PKD1: variants seen among roughly 807,000 people sequenced by gnomAD.
The protein encoded by PKD1 is polycystin-1.
In PKD1, 81 loss-of-function variants were observed where a neutral mutation model predicts 361.7. The observed-to-expected ratio is 0.22, with a 90% CI of 0.19 to 0.27. The LOEUF is 0.27. Ranked by LOEUF, PKD1 falls within the 10% of genes least tolerant of loss-of-function variation. The pLI is 1.00. For missense variants in PKD1, 6,399 were observed against 6,118.3 expected (o/e 1.05, Z -1.53); for synonymous variants, 3,615 against 2,818.3 (o/e 1.28, Z -8.95).
In PKD1 at chr16:2,111,762, G is replaced by A. The variant is rs746080117; in HGVS notation, c.3405C>T (p.Asp1135=). ...CGGGCCGGCCGGCCACCAGGACGCC[G>A]TCACTCACACCCACAGCCACGGAGG... ...SLPSVAVGVS[D]GVLVAGRPVT... is the part of the protein sequence containing the mutation. Residue 1135 remains aspartate (D), a synonymous_variant, in exon 15 of 46, where the codon GAC becomes GAT. Coordinates refer to ENST00000262304, the MANE Select transcript of PKD1 (RefSeq NM_001009944.3). The A allele has an allele frequency of 2.5e-5, 40 of 1,605,326 alleles. No individual in the cohort carries two copies. The highest frequency in any genetic ancestry group is 5.3e-5 in the African/African-American group (4 of 74,796).
rs370359607 is a variant in PKD1 at position 2,110,085 on chromosome 16, A to G, written c.5082T>C (p.His1694=). 4.3e-6 allele frequency: 7 copies of G among 1,609,934 alleles called. No homozygotes were observed. In the South Asian group the frequency reaches 5.5e-5, roughly 13 times the overall value. ...SLTVLEAGTY[H]VQLRATNMLG... ...GCATGTTGGTGGCCCGCAGCTGCACATGGTAGGTGCCGGCCTCGAGCACGG... is the reference window on the plus strand; with the variant it reads ...GCATGTTGGTGGCCCGCAGCTGCACGTGGTAGGTGCCGGCCTCGAGCACGG... Residue 1694 remains histidine, a synonymous_variant, in exon 15 of 46, where the codon CAT becomes CAC. Coordinates refer to ENST00000262304, the MANE Select transcript of PKD1 (RefSeq NM_001009944.3).
intron 1 of PKD1, among the ~76,000 whole-genome samples, chr16:2,132,696 G>A (rs1372549795): frequency 6.6e-6 from 1 of 151,934 alleles, no homozygotes; most frequent in African/African-American, 2.4e-5. Context: ...TCGGTGGCAT[G>A]AAGGAACTGT....
intron 29 of PKD1, 25 bp downstream of exon 29, chr16:2,099,836 C>T (rs2092017254): frequency 7.7e-6 from 12 of 1,559,906 alleles, no homozygotes; most frequent in Non-Finnish European, 1.0e-5. Context: ...CAGGAAGAGG[C>T]TGCCCCGACC....
Position 2,110,729 on chromosome 16 carries a change from C to G in PKD1, c.4438G>C (p.Glu1480Gln), listed in dbSNP as rs757105292. The G allele has an allele frequency of 4.3e-6, 7 of 1,610,508 alleles. No homozygotes were observed. The highest frequency in any genetic ancestry group is 2.2e-5 in the South Asian group (2 of 90,984). Residue 1480 changes from glutamate to glutamine, a missense_variant, in exon 15 of 46, where the codon GAG (glutamate) becomes CAG (glutamine). Physicochemically the swap from Glu to Gln is conservative, Grantham distance 29 (BLOSUM62 2). Transcript: ENST00000262304. ...GAGAACAGGTACGGCTGCTGCAGCT[C>G]CAGCCCAAGGGAGCCATTGACCTTG... ...SIKVNGSLGL[E>Q]LQQPYLFSAV...
chr16:2,115,509 G>A lies in PKD1; in HGVS notation c.1966C>T (p.Leu656=), dbSNP rs1392305253. The change falls in exon 10 of 46, where the codon CTG becomes TTG. Residue 656 remains leucine (L), a synonymous_variant. Transcript: ENST00000262304. ...GCCTGGGGGTGGCAGGAGGCGTCCA[G>A]CGGCAAGCAGATGTTGGCTCCAGGG... The part of the protein sequence containing the change: ...WCPGANICLP[L]DASCHPQACA... The A allele has an allele frequency of 1.9e-6, 3 of 1,599,530 alleles. No homozygotes were observed. The South Asian group carries it at 3.4e-5, about 18-fold the overall frequency.
At chr16:2,128,704 T>C (rs1424318460) in intron 1 of PKD1, among the ~76,000 whole-genome samples, 1 of 152,144 alleles carries the variant, frequency 6.6e-6, no homozygotes, top group African/African-American at 2.4e-5. Context: ...TGCGGACTCT[T>C]CCTAGACCTT....
In PKD1 at chr16:2,106,407, C is replaced by G; in HGVS notation, c.7480G>C (p.Glu2494Gln). 1.3e-6 allele frequency: 2 copies of G among 1,589,368 alleles called. No homozygotes were observed. Among genetic ancestry groups the G allele is most frequent in the South Asian group, 1.1e-5 (1 of 88,770 alleles). Residue 2494 changes from glutamate (E) to glutamine (Q), a missense_variant, in exon 18 of 46, where the codon GAA becomes CAA. Transcript: ENST00000262304. This position sits in a 1 kb window ranked among gnomAD's most constrained non-coding sequence, Gnocchi z 6.5. Reference protein sequence around the residue: ...VHALTTKVHFECTGWHDAEDA... With the variant: ...VHALTTKVHFQCTGWHDAEDA... The stretch of plus-strand genomic sequence containing the variant: ...GCAGGCCTGCACTCACCCGTGCATT[C>G]GAAGTGCACCTTGGTGGTGAGGGCG...
At position 2,109,742 on chromosome 16, in the gene PKD1, C is replaced by T; in HGVS notation, c.5425G>A (p.Ala1809Thr). 6.2e-7 allele frequency: 1 copy of T among 1,608,972 alleles called. No homozygotes were observed. The highest frequency in any genetic ancestry group is 1.1e-5 in the South Asian group (1 of 90,700). Reference sequence around the variant, plus strand: ...ACGAAGCTGCCTCCGGGCTCGCTGGCCCTGATGCTGAGGCCACTCACAGGC... The same window carrying T: ...ACGAAGCTGCCTCCGGGCTCGCTGGTCCTGATGCTGAGGCCACTCACAGGC... ...QVPVSGLSIR[A>T]SEPGGSFVAA... The change falls in exon 15 of 46, where the codon GCC becomes ACC. Residue 1809 changes from alanine (A) to threonine (T), a missense_variant. By Grantham distance (58) the Ala-to-Thr change is moderately conservative (BLOSUM62 0). Coordinates refer to ENST00000262304, the MANE Select transcript of PKD1 (RefSeq NM_001009944.3).
chr16:2,109,691 A>C lies in PKD1; in HGVS notation c.5476T>G (p.Trp1826Gly), dbSNP rs1233648475. The change falls in exon 15 of 46, where the codon TGG becomes GGG. Residue 1826 changes from tryptophan to glycine, a missense_variant. By Grantham distance (184) the Trp-to-Gly change is radical. Coordinates refer to ENST00000262304, the MANE Select transcript of PKD1 (RefSeq NM_001009944.3). ...FVAAGSSVPF[W>G]GQLATGTNVS... ...TTGGTGCCCGTGGCCAGCTGCCCCC[A>C]AAAGGGCACAGAGGACCCGGCCGCC... 6.3e-7 allele frequency: 1 copy of C among 1,592,806 alleles called. No individual in the cohort carries two copies. The highest frequency in any genetic ancestry group is 8.5e-7 in the Non-Finnish European group (1 of 1,171,156).
At chr16:2,093,780 G>A (rs753358191) in intron 36 of PKD1, 31 bp downstream of exon 36, 14 of 1,557,514 alleles carry the variant, frequency 9.0e-6, no homozygotes, top group African/African-American at 4.1e-5. Flanking sequence ...CGTGATGGAG[G>A]CCTGTAGCCT....
chr16:2,110,013 C>A lies in PKD1; in HGVS notation c.5154G>T (p.Val1718=), dbSNP rs1461016756. The A allele has an allele frequency of 1.9e-6, 3 of 1,610,390 alleles. No homozygotes were observed. The highest frequency in any genetic ancestry group is 2.5e-6 in the Non-Finnish European group (3 of 1,179,640). Reference sequence around the variant, plus strand: ...GGGAGGCGGCCACCATCAGCCACCCCACAGGCTCCACGAAGTCCATGGTGC... The same window carrying A: ...GGGAGGCGGCCACCATCAGCCACCCAACAGGCTCCACGAAGTCCATGGTGC... ...ADCTMDFVEP[V]GWLMVAASPN... Residue 1718 remains valine, a synonymous_variant, in exon 15 of 46, where the codon GTG becomes GTT. Transcript: ENST00000262304.
In PKD1 at chr16:2,127,765, G is replaced by A. The variant is rs962705596; in HGVS notation, c.215+7710C>T. ...AACTGAGGCTGAGAGACTGGACCAA[G>A]GTCACACCAGAGGTGGAGGCGCTGG... On this transcript the variant is annotated intron_variant, in intron 1 of 45. Coordinates refer to ENST00000262304, the MANE Select transcript of PKD1 (RefSeq NM_001009944.3). 7.3e-5 allele frequency among the ~76,000 whole-genome samples: 11 copies of A among 151,356 alleles called. No homozygotes were observed. In the East Asian group the frequency reaches 2.0e-3, roughly 27 times the overall value.
In PKD1 at chr16:2,106,630, C is replaced by T. The variant is rs766471287; in HGVS notation, c.7257G>A (p.Glu2419=). Residue 2419 remains glutamate (E), a synonymous_variant, in exon 18 of 46, where the codon GAG becomes GAA. Transcript: ENST00000262304. The surrounding 1 kb of genome is among the most constrained non-coding windows in gnomAD (Gnocchi z 6.5). The part of the protein sequence containing the change: ...TFSNKTLVLD[E]TTTSTGSAGM... ...CTGCACTGCCCGTGGATGTGGTGGT[C>T]TCATCCAGCACCAGCGTCTTGTTGC... is the stretch of plus-strand genomic sequence containing the variant. 6.3e-7 allele frequency: 1 copy of T among 1,598,684 alleles called. No individual in the cohort carries two copies. The highest frequency in any genetic ancestry group is 2.2e-5 in the East Asian group (1 of 44,844).
Position 2,106,146 on chromosome 16 carries a change from C to T in PKD1, c.7648G>A (p.Gly2550Ser), listed in dbSNP as rs1181041827. The T allele has an allele frequency of 2.2e-5, 35 of 1,607,100 alleles. No homozygotes were observed. Among genetic ancestry groups the T allele is most frequent in the East Asian group, 6.7e-5 (3 of 44,740 alleles). Residue 2550 changes from glycine (G) to serine (S), a missense_variant, in exon 19 of 46, where the codon GGC becomes AGC. Coordinates refer to ENST00000262304, the MANE Select transcript of PKD1 (RefSeq NM_001009944.3). This position sits in a 1 kb window ranked among gnomAD's most constrained non-coding sequence, Gnocchi z 6.5. ...PPGFRPHFEVGLAVVVQDQLG... is the reference protein window; with the variant it reads ...PPGFRPHFEVSLAVVVQDQLG... ...TGGTCCTGCACCACCACGGCCAGGCCCACCTCGAAGTGTGGCCTGAAACCC... is the reference window on the plus strand; with the variant it reads ...TGGTCCTGCACCACCACGGCCAGGCTCACCTCGAAGTGTGGCCTGAAACCC...
At chr16:2,123,613 C>T (rs901143883) in intron 1 of PKD1, 11 of 442,802 alleles carry the variant, frequency 2.5e-5, no homozygotes, top group Non-Finnish European at 5.0e-5. Flanking sequence ...ACATCATCGC[C>T]GCTGTCTGAT....
At position 2,105,309 on chromosome 16, in the gene PKD1, G is replaced by A. The variant is rs778183159; in HGVS notation, c.8016+13C>T. On this transcript the variant is annotated intron_variant, in intron 21 of 45. Coordinates refer to ENST00000262304, the MANE Select transcript of PKD1 (RefSeq NM_001009944.3). Reference sequence around the variant, plus strand: ...GGCATGCGGGGCAGGGTGAGCAGGTGGGGCCATCCTACCATGCACTGGGCC... The same window carrying A: ...GGCATGCGGGGCAGGGTGAGCAGGTAGGGCCATCCTACCATGCACTGGGCC... 3 of 1,593,776 alleles carry A rather than the reference G, an allele frequency of 1.9e-6. No individual in the cohort carries two copies. The highest frequency in any genetic ancestry group is 2.2e-5 in the East Asian group (1 of 44,856).
Position 2,118,390 on chromosome 16 carries a change from T to C in PKD1, c.602A>G (p.His201Arg), listed in dbSNP as rs1035554099. 3 of 1,248,548 alleles carry C rather than the reference T, an allele frequency of 2.4e-6. No homozygotes were observed. In the Admixed American group the frequency reaches 5.9e-5, roughly 25 times the overall value. The allele number at this position is 1,248,548 out of a possible 1,614,324, so 77.3% of individuals were successfully genotyped here. Residue 201 changes from histidine (H) to arginine (R), a missense_variant, in exon 5 of 46, where the codon CAC becomes CGC. Coordinates refer to ENST00000262304, the MANE Select transcript of PKD1 (RefSeq NM_001009944.3). This position sits in a 1 kb window ranked among gnomAD's most constrained non-coding sequence, Gnocchi z 6.0. ...GGCCTCTGGCTGAAGCAGGCCTTCG[T>C]GGGCAGCTGAAAAGGACACTGCTGC... Reference protein sequence around the residue: ...TVAAVSFSAAHEGLLQPEACS... With the variant: ...TVAAVSFSAAREGLLQPEACS...
In PKD1 at chr16:2,105,825, C is replaced by G. The variant is rs186780820; in HGVS notation, c.7863+40G>C. On this transcript the variant is annotated intron_variant, in intron 20 of 45. Coordinates refer to ENST00000262304, the MANE Select transcript of PKD1 (RefSeq NM_001009944.3). ...GGTACAGGTCTTGGTCCCAAGCACG[C>G]ATGCAGCAGATGTGACGTCCCCTCC... is the stretch of plus-strand genomic sequence containing the variant. The G allele has an allele frequency of 2.5e-5, 40 of 1,579,694 alleles. No homozygotes were observed. In the African/African-American group the frequency reaches 4.4e-4, roughly 17 times the overall value.
At chr16:2,120,146 A>G (rs2092697084) in intron 1 of PKD1, 3 of 497,108 alleles carry the variant, frequency 6.0e-6, no homozygotes, top group Non-Finnish European at 1.1e-5. Context: ...AGAGAGGTCA[A>G]GGCTACAGGG....
Sources: allele counts gnomAD v4.1 joint callset (sites outside exome capture counted in the v4.1 genomes callset), GRCh38; gene constraint gnomAD v4.1.1; non-coding constraint Gnocchi (gnomAD v3.1); transcripts MANE v1.5; gene names NCBI Gene and HGNC (gene_info 2026-07-23, HGNC 2026-07-21).